The following FLYWCH1 variants were observed in gnomAD, a reference collection of about 807,000 sequenced individuals.
The protein encoded by FLYWCH1 is FLYWCH-type zinc finger-containing protein 1.
Under a neutral mutation model 66.4 loss-of-function variants are expected in FLYWCH1, and 75 were observed. The ratio of observed to expected loss-of-function variants is 1.13; its 90% confidence interval spans 0.94 to 1.37. The LOEUF (loss-of-function observed/expected upper bound fraction) is 1.37. Ranked by LOEUF, FLYWCH1 falls within the 40% of genes most tolerant of loss-of-function variation. The pLI is 0.00. For synonymous variants in FLYWCH1, 595 were observed against 429.9 expected, an observed-to-expected ratio of 1.38 and a Z score of -4.75; for missense variants, 1,334 against 1,001.8, an observed-to-expected ratio of 1.33 and a Z score of -4.48.
At chr16:2,938,082 C>T (rs145506859) in intron 7 of FLYWCH1, 102 bp from the exon 8 acceptor site, 13 of 1,182,252 alleles carry the variant, frequency 1.1e-5, no homozygotes, top group South Asian at 8.9e-5. Context: ...GCTAGGGGAT[C>T]GCAGATTCCT....
chr16:2,937,263 C>G lies in FLYWCH1; in HGVS notation c.1656C>G (p.Ala552=). 1 of 1,607,188 alleles carries G rather than the reference C, an allele frequency of 6.2e-7. No individual in the cohort carries two copies. The highest frequency in any genetic ancestry group is 8.5e-7 in the Non-Finnish European group (1 of 1,177,962). Residue 552 remains alanine (A), a synonymous_variant, in exon 7 of 10, where the codon GCC becomes GCG. Transcript: ENST00000253928. ...DQARMGCRSR[A]ITQGRRVMVM... ...CCCGCATGGGCTGCCGCAGCCGCGC[C>G]ATCACCCAGGGCCGGCGGGTCATGG...
In FLYWCH1 at chr16:2,921,932, G is replaced by A. The variant is rs555115207; in HGVS notation, c.-74+7643G>A. Among the ~76,000 whole-genome samples the A allele has an allele frequency of 3.4e-4, 51 of 152,120 alleles. No individual in the cohort carries two copies. The East Asian group carries it at 4.8e-3, about 14-fold the overall frequency. On this transcript the variant is annotated intron_variant, in intron 2 of 9. Coordinates refer to ENST00000253928, the MANE Select transcript of FLYWCH1 (RefSeq NM_001308068.2). ...ACAAAAATTTGCTAGGTGTGGTGGCGCGCGCCTGTAGTCCCAGCTACTCAG... is the reference window on the plus strand; with the variant it reads ...ACAAAAATTTGCTAGGTGTGGTGGCACGCGCCTGTAGTCCCAGCTACTCAG...
At position 2,948,704 on chromosome 16, in the gene FLYWCH1, A is replaced by T; in HGVS notation, c.2128A>T (p.Arg710Ter). The T allele has an allele frequency of 6.2e-7, 1 of 1,613,932 alleles. No homozygotes were observed. Among genetic ancestry groups the T allele is most frequent in the Non-Finnish European group, 8.5e-7 (1 of 1,179,794 alleles). Residue 710 changes from arginine to a stop codon, truncating the protein, a stop_gained, in exon 10 of 10, where the codon AGA becomes TGA. Coordinates refer to ENST00000253928, the MANE Select transcript of FLYWCH1 (RefSeq NM_001308068.2). LOFTEE classifies it high-confidence loss of function. ...QQIYGDIKDV[R>*]LDGESQ ...TGTAATTAGGGACATCAAAGACGTC[A>T]GACTGGATGGCGAGTCCCAGTGAGG...
Position 2,949,643 on chromosome 16 carries a change from G to A in FLYWCH1, c.*916G>A, listed in dbSNP as rs571514359. On this transcript the variant is annotated 3_prime_UTR_variant, in exon 10 of 10. Coordinates refer to ENST00000253928, the MANE Select transcript of FLYWCH1 (RefSeq NM_001308068.2). The stretch of plus-strand genomic sequence containing the variant: ...CTAACAAGGACCTGTCCGCAGCCGC[G>A]AGGTCCTTCACTCCCACCCTGTAAT... The A allele has an allele frequency of 1.3e-5, 2 of 152,216 alleles. No individual in the cohort carries two copies. Among genetic ancestry groups the A allele is most frequent in the South Asian group, 2.1e-4 (1 of 4,816 alleles). The allele number at this position is 152,216 out of a possible 1,614,324, so 9.4% of individuals were successfully genotyped here. A position where few individuals can be genotyped will look rare whatever the true frequency, so the allele number is the denominator to read the frequency against.
intron 6 of FLYWCH1, chr16:2,934,735 C>A (rs890529779): frequency 6.6e-6 from 3 of 452,544 alleles, no homozygotes; most frequent in Admixed American, 2.4e-5. Flanking sequence ...TCTTTTTGTT[C>A]CATCTCCAGA....
chr16:2,927,718 C>T (rs1409265053), intron 2 of FLYWCH1, among the ~76,000 whole-genome samples: 3 of 152,340 alleles, frequency 2.0e-5, no homozygotes, highest in African/African-American at 2.4e-5. Context: ...CGTGGGTTCA[C>T]GCCCCACACT....
At chr16:2,938,117 A>G in intron 7 of FLYWCH1, 67 bp from the exon 8 acceptor site, 1 of 1,497,764 alleles carries the variant, frequency 6.7e-7, no homozygotes, top group Non-Finnish European at 9.0e-7. Flanking sequence ...GGGGGATACA[A>G]ATCAGACCCC....
In FLYWCH1 at chr16:2,933,508, C is replaced by T. The variant is rs766861053; in HGVS notation, c.1175C>T (p.Ala392Val). 5 of 1,611,952 alleles carry T rather than the reference C, an allele frequency of 3.1e-6. No homozygotes were observed. Among genetic ancestry groups the T allele is most frequent in the South Asian group, 2.2e-5 (2 of 90,772 alleles). ...TLTRPRPRKR[A>V]KVEDQELPTQ... ...ACCAGGCCTCGGCCCAGAAAGCGAG[C>T]AAAGGTCGAAGACCAGGAGCTGCCA... is the stretch of plus-strand genomic sequence containing the variant. Residue 392 changes from alanine to valine, a missense_variant, in exon 5 of 10, where the codon GCA (alanine) becomes GTA (valine). Transcript: ENST00000253928.
intron 9 of FLYWCH1, among the ~76,000 whole-genome samples, chr16:2,940,364 G>T (rs927737470): frequency 6.6e-6 from 1 of 152,232 alleles, no homozygotes; most frequent in East Asian, 1.9e-4. Context: ...ATGGGACAGA[G>T]AGAGAACAAG....
At chr16:2,945,485 CAA>C (rs60942194) in intron 9 of FLYWCH1, among the ~76,000 whole-genome samples, 26,076 of 86,926 alleles carry the variant, frequency 0.3, 2,616 homozygotes, top group Non-Finnish European at 0.32. Flanking sequence ...GACTCCATCT[CAA>C]AAAAAAAAAA....
At chr16:2,930,972 G>A (rs1386999510) in intron 4 of FLYWCH1, 92 bp downstream of exon 4, 1 of 1,004,032 alleles carries the variant, frequency 1.0e-6, no homozygotes, top group Non-Finnish European at 1.4e-6. Context: ...GGTCCCACAG[G>A]GTCTTTTAAA....
chr16:2,938,395 A>T lies in FLYWCH1; in HGVS notation c.1989A>T (p.Ala663=). 3 of 1,552,100 alleles carry T rather than the reference A, an allele frequency of 1.9e-6. No individual in the cohort carries two copies. Among genetic ancestry groups the T allele is most frequent in the Non-Finnish European group, 2.6e-6 (3 of 1,148,492 alleles). The change falls in exon 8 of 10, where the codon GCA becomes GCT. Residue 663 remains alanine, a synonymous_variant. Transcript: ENST00000253928. ...MRSHCHQPDL[A]GLEALRQRER... Reference sequence around the variant, plus strand: ...GCCACTGCCATCAGCCTGACCTGGCAGGCCTGGAGGCCTTGAGGCAACGGG... The same window carrying T: ...GCCACTGCCATCAGCCTGACCTGGCTGGCCTGGAGGCCTTGAGGCAACGGG...
chr16:2,920,554 T>C (rs577480195), intron 2 of FLYWCH1, among the ~76,000 whole-genome samples: 1 of 151,924 alleles, frequency 6.6e-6, no homozygotes, highest in East Asian at 1.9e-4. Flanking sequence ...ACCCTTGGAA[T>C]CTGAGTCATT....
chr16:2,939,483 C>G (rs780667103), intron 8 of FLYWCH1, among the ~76,000 whole-genome samples: 7 of 151,654 alleles, frequency 4.6e-5, no homozygotes, highest in Non-Finnish European at 8.8e-5. Flanking sequence ...AGAAAACAGC[C>G]TGGCCAACAT....
intron 4 of FLYWCH1, among the ~76,000 whole-genome samples, chr16:2,931,997 AGTCCCAG>A (rs2070777158): frequency 6.6e-6 from 1 of 152,002 alleles, no homozygotes; most frequent in South Asian, 2.1e-4. Flanking sequence ...GGGCGCCTGT[AGTCCCAG>A]CTACTCGGGA....
intron 9 of FLYWCH1, 116 bp from the exon 10 acceptor site, chr16:2,948,572 T>G: frequency 9.5e-7 from 1 of 1,053,860 alleles, no homozygotes; most frequent in South Asian, 1.4e-5. Flanking sequence ...CAAAAATAAA[T>G]GTTCTAGACT....
rs113129078 is a variant in FLYWCH1 at position 2,934,652 on chromosome 16, G to T, written c.1513+673G>T. The T allele has an allele frequency of 3.1e-5, 14 of 456,776 alleles. 1 individual carries two copies. The highest frequency in any genetic ancestry group is 1.6e-4 in the African/African-American group (8 of 50,062). 28.3% of individuals were successfully genotyped at this position (456,776 alleles called of 1,614,324 possible). A position where few individuals can be genotyped will look rare whatever the true frequency, so the allele number is the denominator to read the frequency against. On this transcript the variant is annotated intron_variant, in intron 6 of 9. Transcript: ENST00000253928. ...CTTTCCAGTGGCTCTTCCGGATCCT[G>T]CAGCTTTTGGGTCATGTGAGTTGCC...
rs1354688334 is a variant in FLYWCH1 at position 2,930,427 on chromosome 16, G to A, written c.343G>A (p.Glu115Lys). The A allele has an allele frequency of 3.4e-6, 5 of 1,470,166 alleles. No individual in the cohort carries two copies. The allele number at this position is 1,470,166 out of a possible 1,614,324, so 91.1% of individuals were successfully genotyped here. A position where few individuals can be genotyped will look rare whatever the true frequency, so the allele number is the denominator to read the frequency against. ...KLDAAAPQSL[E>K]FLRTPFGGRL... ...TCCCCCAGCAGCCCCTCAGTCCCTGGAGTTCCTGAGGACACCATTCGGGGG... is the reference window on the plus strand; with the variant it reads ...TCCCCCAGCAGCCCCTCAGTCCCTGAAGTTCCTGAGGACACCATTCGGGGG... The change falls in exon 4 of 10, where the codon GAG becomes AAG. Residue 115 changes from glutamate (E) to lysine (K), a missense_variant. Coordinates refer to ENST00000253928, the MANE Select transcript of FLYWCH1 (RefSeq NM_001308068.2).
chr16:2,914,315 C>CGACAGAGCCGCCTGGTT (rs2070094369), intron 2 of FLYWCH1, 26 bp downstream of exon 2: 1 of 152,236 alleles, frequency 6.6e-6, no homozygotes, highest in Non-Finnish European at 1.5e-5. Flanking sequence ...CATCAGCTGC[C>CGACAGAGCCGCCTGGTT]GACAGAGCCG....
Sources: gnomAD v4.1 joint callset for allele counts (sites outside exome capture counted in the v4.1 genomes callset) on GRCh38, gnomAD v4.1.1 for gene constraint, MANE v1.5 for transcripts, NCBI Gene and HGNC (gene_info 2026-07-23, HGNC 2026-07-21) for gene names.